Variants in APPL1 observed in about 807,000 individuals in gnomAD.
The protein encoded by APPL1 is DCC-interacting protein 13-alpha.
Under a neutral mutation model 106.8 loss-of-function variants are expected in APPL1, and 42 were observed. The observed-to-expected ratio is 0.39, with a 90% CI of 0.31 to 0.51. The LOEUF (loss-of-function observed/expected upper bound fraction) is 0.51, where lower values mean the gene tolerates loss of function less well. APPL1 is among the 20% of genes least tolerant of loss of function. The pLI is 0.75. For missense variants in APPL1, 769 were observed against 858.2 expected, an observed-to-expected ratio of 0.90 and a Z score of 1.30; for synonymous variants, 263 against 281.8, an observed-to-expected ratio of 0.93 and a Z score of 0.67.
intron 4 of APPL1, among the ~76,000 whole-genome samples, chr3:57,239,915 C>G (rs1451804659): frequency 6.6e-6 from 1 of 152,014 alleles, no homozygotes; most frequent in Non-Finnish European, 1.5e-5. Flanking sequence ...GAAATGGTAT[C>G]TCATTGTGGT....
chr3:57,246,021 T>A, intron 7 of APPL1, 55 bp from the exon 8 acceptor site: 7 of 1,339,472 alleles, frequency 5.2e-6, no homozygotes, highest in Non-Finnish European at 7.0e-6. Flanking sequence ...TAATACAAAA[T>A]TAAGTAAATA....
intron 16 of APPL1, 58 bp from the exon 17 acceptor site, chr3:57,259,784 AAAT>A (rs1263707183): frequency 6.8e-6 from 9 of 1,328,828 alleles, no homozygotes; most frequent in Non-Finnish European, 8.0e-6. Context: ...ATGGCGAAAA[AAAT>A]AAAATGTAAA....
chr3:57,254,454 A>G (rs1005942985), intron 13 of APPL1, among the ~76,000 whole-genome samples: 18 of 152,198 alleles, frequency 1.2e-4, no homozygotes, highest in African/African-American at 4.3e-4. Flanking sequence ...TTTTGAGAAT[A>G]GTTTTGAGAA....
Position 57,257,026 on chromosome 3 carries a change from C to G in APPL1, c.1222C>G (p.His408Asp). 6.2e-7 allele frequency: 1 copy of G among 1,614,166 alleles called. No individual in the cohort carries two copies. Among genetic ancestry groups the G allele is most frequent in the South Asian group, 1.1e-5 (1 of 91,090 alleles). Residue 408 changes from histidine (H) to aspartate (D), a missense_variant, in exon 14 of 22, where the codon CAC (histidine) becomes GAC (aspartate). Coordinates refer to ENST00000288266, the MANE Select transcript of APPL1 (RefSeq NM_012096.3). ...TCCTTCCCCATCTTTCCAGCAGAGG[C>G]ACGAGAGCCTGCGGCCAGCAGCAGG... The part of the protein sequence containing the change: ...VTPSPSFQQR[H>D]ESLRPAAGQS...
intron 1 of APPL1, chr3:57,230,907 A>T (rs2060682950): frequency 3.4e-6 from 1 of 296,018 alleles, no homozygotes; most frequent in African/African-American, 2.3e-5. Context: ...TTTTATTTTT[A>T]TTTTTTGGAG....
intron 7 of APPL1, 106 bp from the exon 8 acceptor site, chr3:57,245,970 A>T: frequency 1.4e-6 from 1 of 733,944 alleles, no homozygotes. Context: ...TGTGATACTC[A>T]ATTCCTTGGG....
At chr3:57,245,754 A>G (rs534488008) in intron 7 of APPL1, among the ~76,000 whole-genome samples, 3 of 152,064 alleles carry the variant, frequency 2.0e-5, no homozygotes, top group South Asian at 4.2e-4. Flanking sequence ...CATGTTGGCC[A>G]GGCTGTTCTT....
At position 57,260,095 on chromosome 3, in the gene APPL1, A is replaced by T. The variant is rs764741939; in HGVS notation, c.1659-22A>T. ...TCAGCCTAATTAAAATTTGTTTTCC[A>T]ATTTTTAAATTATTATTTTAGGTTA... On this transcript the variant is annotated intron_variant, in intron 17 of 21. Transcript: ENST00000288266. The T allele has an allele frequency of 1.9e-6, 3 of 1,606,198 alleles. No individual in the cohort carries two copies. In the South Asian group the frequency reaches 3.4e-5, roughly 18 times the overall value.
At chr3:57,238,586 A>G (rs2107598500) in intron 4 of APPL1, among the ~76,000 whole-genome samples, 1 of 152,362 alleles carries the variant, frequency 6.6e-6, no homozygotes, top group Middle Eastern at 3.4e-3. Flanking sequence ...GTGAGAGATT[A>G]TGGAGAATCG....
Position 57,272,984 on chromosome 3 carries a change from A to AAAGC in APPL1, c.*3300_*3303dup, listed in dbSNP as rs994618411. 1 of 152,632 alleles carries AAAGC rather than the reference A, an allele frequency of 6.6e-6. No individual in the cohort carries two copies. The highest frequency in any genetic ancestry group is 1.5e-5 in the Non-Finnish European group (1 of 68,040). The allele number at this position is 152,632 out of a possible 1,614,324, so 9.5% of individuals were successfully genotyped here. ...AAATACTTAAACACACCAATTGTAG[A>AAAGC]AAGCAACCCTTTATTTTTAGCAAGT... On this transcript the variant is annotated 3_prime_UTR_variant, in exon 22 of 22. Transcript: ENST00000288266.
chr3:57,230,007 C>T (rs956213984), intron 1 of APPL1, among the ~76,000 whole-genome samples: 9 of 152,130 alleles, frequency 5.9e-5, no homozygotes, highest in African/African-American at 1.9e-4. Context: ...AGCCACTGCG[C>T]CTGGCCTGTG....
At position 57,227,788 on chromosome 3, in the gene APPL1, G is replaced by C; in HGVS notation, c.-96G>C. The C allele has an allele frequency of 8.9e-7, 1 of 1,122,724 alleles. No homozygotes were observed. The highest frequency in any genetic ancestry group is 3.3e-5 in the East Asian group (1 of 30,100). The allele number at this position is 1,122,724 out of a possible 1,614,324, so 69.5% of individuals were successfully genotyped here. ...GGCGGGGACGGCTGCAGCCCTTGCC[G>C]GAGAGGGCGGGCCGGGGTCAGCTGC... On this transcript the variant is annotated 5_prime_UTR_variant, in exon 1 of 22. Coordinates refer to ENST00000288266, the MANE Select transcript of APPL1 (RefSeq NM_012096.3).
chr3:57,257,065 C>A lies in APPL1; in HGVS notation c.1247+14C>A. 6.2e-7 allele frequency: 1 copy of A among 1,612,614 alleles called. No individual in the cohort carries two copies. Among genetic ancestry groups the A allele is most frequent in the Non-Finnish European group, 8.5e-7 (1 of 1,178,708 alleles). On this transcript the variant is annotated intron_variant, in intron 14 of 21. Coordinates refer to ENST00000288266, the MANE Select transcript of APPL1 (RefSeq NM_012096.3). The stretch of plus-strand genomic sequence containing the variant: ...GCCAGCAGCAGGGTAAGTTACCACA[C>A]TGAGTTATTTAAAGAAGGAGATGGG...
intron 7 of APPL1, 53 bp downstream of exon 7, chr3:57,242,967 T>C (rs1418994327): frequency 5.8e-6 from 8 of 1,385,378 alleles, no homozygotes; most frequent in African/African-American, 1.4e-5. Context: ...CATTAGGTGG[T>C]TTAGTTTTTC....
chr3:57,269,688 G>A lies in APPL1; in HGVS notation c.*1G>A, dbSNP rs371334982. 6 of 1,613,486 alleles carry A rather than the reference G, an allele frequency of 3.7e-6. No individual in the cohort carries two copies. In the East Asian group the frequency reaches 1.1e-4, roughly 30 times the overall value. On this transcript the variant is annotated 3_prime_UTR_variant, in exon 22 of 22. Coordinates refer to ENST00000288266, the MANE Select transcript of APPL1 (RefSeq NM_012096.3). Reference sequence around the variant, plus strand: ...AAAGAAGAGAGAATCAGAAGCATAAGCTTATACTTTTGGTAGATATTCCCC... The same window carrying A: ...AAAGAAGAGAGAATCAGAAGCATAAACTTATACTTTTGGTAGATATTCCCC...
At chr3:57,240,131 GT>G (rs535566044) in intron 4 of APPL1, among the ~76,000 whole-genome samples, 484 of 119,308 alleles carry the variant, frequency 4.1e-3, no homozygotes, top group Middle Eastern at 9.0e-3. Context: ...ATTCTGAGTT[GT>G]TTTTTTTTTT....
intron 6 of APPL1, 86 bp from the exon 7 acceptor site, chr3:57,242,769 GA>G: frequency 2.1e-6 from 2 of 974,708 alleles, no homozygotes; most frequent in Non-Finnish European, 3.2e-6. Context: ...TACGTTTGTG[GA>G]AAGGTGCACA....
At chr3:57,240,386 T>C (rs1455038674) in intron 4 of APPL1, 79 bp from the exon 5 acceptor site, 21 of 1,091,756 alleles carry the variant, frequency 1.9e-5, no homozygotes, top group African/African-American at 3.2e-5. Flanking sequence ...CCATTTTTAC[T>C]AGATTATGTT....
chr3:57,255,255 C>G (rs2060828712), intron 13 of APPL1, among the ~76,000 whole-genome samples: 1 of 152,242 alleles, frequency 6.6e-6, no homozygotes, highest in Admixed American at 6.5e-5. Context: ...GTGGGCCTGT[C>G]TGTGCTATGG....
Sources: allele counts gnomAD v4.1 joint callset (sites outside exome capture counted in the v4.1 genomes callset), GRCh38; gene constraint gnomAD v4.1.1; transcripts MANE v1.5; gene names NCBI Gene and HGNC (gene_info 2026-07-23, HGNC 2026-07-21).